Variants in HS1BP3 observed in about 807,000 individuals in gnomAD.
HS1BP3 encodes HCLS1-binding protein 3.
HS1BP3 carries 32 observed loss-of-function variants against 33.5 expected under a neutral mutation model. That is an observed-to-expected ratio of 0.95 (90% CI 0.72 to 1.28). The LOEUF is 1.28. Ranked by LOEUF, HS1BP3 falls within the 50% of genes most tolerant of loss-of-function variation. The pLI, the probability that HS1BP3 is intolerant of heterozygous loss-of-function variation, is 0.00. For missense variants in HS1BP3, 486 were observed against 502.3 expected, an observed-to-expected ratio of 0.97 and a Z score of 0.31; for synonymous variants, 187 against 209.2, an observed-to-expected ratio of 0.89 and a Z score of 0.92.
chr2:20,618,797 C>T lies in HS1BP3; in HGVS notation c.*190G>A, dbSNP rs974063003. On this transcript the variant is annotated 3_prime_UTR_variant, in exon 7 of 7. Coordinates refer to ENST00000304031, the MANE Select transcript of HS1BP3 (RefSeq NM_022460.4). ...TAGGGTGAGAGCCGCTCCCGCAGCC[C>T]GCAGGCTTCTACTTTGGCCCCACAG... 2.1e-6 allele frequency: 3 copies of T among 1,406,828 alleles called. No homozygotes were observed. Among genetic ancestry groups the T allele is most frequent in the East Asian group, 2.6e-5 (1 of 38,186 alleles). 87.1% of individuals were successfully genotyped at this position (1,406,828 alleles called of 1,614,324 possible). A position where few individuals can be genotyped will look rare whatever the true frequency, so the allele number is the denominator to read the frequency against.
At chr2:20,594,195 G>A (rs1693893828) in intron 3 of HS1BP3, among the ~76,000 whole-genome samples, 1 of 152,264 alleles carries the variant, frequency 6.6e-6, no homozygotes, top group Non-Finnish European at 1.5e-5. Context: ...ACAGGAAGAA[G>A]TGCAGTGATC....
chr2:20,641,020 G>C lies in HS1BP3; in HGVS notation c.359C>G (p.Ser120Cys), dbSNP rs776615400. 1 of 1,614,188 alleles carries C rather than the reference G, an allele frequency of 6.2e-7. No individual in the cohort carries two copies. The highest frequency in any genetic ancestry group is 8.5e-7 in the Non-Finnish European group (1 of 1,180,032). Residue 120 changes from serine to cysteine, a missense_variant, in exon 3 of 7, where the codon TCC becomes TGC. Coordinates refer to ENST00000304031, the MANE Select transcript of HS1BP3 (RefSeq NM_022460.4). ...AVFNEILRCVSKDAELAGSPE... is the reference protein window; with the variant it reads ...AVFNEILRCVCKDAELAGSPE... ...GCTGCCTGCCAACTCGGCATCCTTG[G>C]AGACACAGCGCAGGATCTCATTGAA...
chr2:20,593,739 T>C (rs556111207), intron 3 of HS1BP3, among the ~76,000 whole-genome samples: 1 of 152,268 alleles, frequency 6.6e-6, no homozygotes, highest in Non-Finnish European at 1.5e-5. Context: ...GCCGAGTGTG[T>C]GCAGGGAACT....
intron 4 of HS1BP3, among the ~76,000 whole-genome samples, chr2:20,633,996 C>T (rs1247814573): frequency 6.6e-6 from 1 of 152,258 alleles, no homozygotes; most frequent in Non-Finnish European, 1.5e-5. Flanking sequence ...AAGTGCTGCA[C>T]AGGTGCAGGG....
At chr2:20,566,066 C>T (rs1267461936) in intron 5 of HS1BP3, among the ~76,000 whole-genome samples, 2 of 152,210 alleles carry the variant, frequency 1.3e-5, no homozygotes, top group South Asian at 2.1e-4. Context: ...AACAGCCCAC[C>T]CTGCCCCTCT....
At chr2:20,574,357 T>C (rs1693349102) in intron 5 of HS1BP3, among the ~76,000 whole-genome samples, 1 of 152,244 alleles carries the variant, frequency 6.6e-6, no homozygotes, top group African/African-American at 2.4e-5. Flanking sequence ...TCAGCAATTT[T>C]TCTTTTTCTG....
chr2:20,589,662 C>T (rs1473074212), downstream of HS1BP3, among the ~76,000 whole-genome samples: 2 of 152,174 alleles, frequency 1.3e-5, no homozygotes, highest in African/African-American at 4.8e-5. Flanking sequence ...ATAAGCACCC[C>T]CAACCCTGAG....
In HS1BP3 at chr2:20,580,027, A is replaced by T. The variant is rs369315289; in HGVS notation, c.303-19512T>A. Reference sequence around the variant, plus strand: ...TATCCTAATCTACATACCCTTATCTAGGGCAGAAACTCCCTGAACTCATAC... The same window carrying T: ...TATCCTAATCTACATACCCTTATCTTGGGCAGAAACTCCCTGAACTCATAC... On this transcript the variant is annotated intron_variant, in intron 5 of 5. Transcript: ENST00000446825. 4.7e-4 allele frequency among the ~76,000 whole-genome samples: 71 copies of T among 152,356 alleles called. No individual in the cohort carries two copies. The South Asian group carries it at 0.014, about 31-fold the overall frequency.
At chr2:20,584,647 G>T (rs556460897) in intron 5 of HS1BP3, among the ~76,000 whole-genome samples, 1 of 151,324 alleles carries the variant, frequency 6.6e-6, no homozygotes, top group Non-Finnish European at 1.5e-5. Context: ...GGTTTGGTCC[G>T]CTAACTGCTC....
intron 5 of HS1BP3, among the ~76,000 whole-genome samples, chr2:20,572,233 C>G (rs1558318216): frequency 6.6e-6 from 1 of 152,232 alleles, no homozygotes; most frequent in South Asian, 2.1e-4. Context: ...TGCTCAGGCT[C>G]TTTCCAGGCT....
intron 1 of HS1BP3, among the ~76,000 whole-genome samples, chr2:20,646,062 G>A (rs534061337): frequency 1.3e-5 from 2 of 152,220 alleles, no homozygotes; most frequent in East Asian, 1.9e-4. Flanking sequence ...GCTGCCCCTC[G>A]AGGTGTAGAG....
chr2:20,607,216 T>C (rs899847004), intron 2 of HS1BP3, among the ~76,000 whole-genome samples: 1 of 151,596 alleles, frequency 6.6e-6, no homozygotes, highest in African/African-American at 2.4e-5. Context: ...AGTGCAGTGG[T>C]GTGGTCTCAG....
downstream of HS1BP3, among the ~76,000 whole-genome samples, chr2:20,559,688 G>T (rs1271413909): frequency 2.2e-5 from 3 of 138,606 alleles, no homozygotes; most frequent in African/African-American, 7.9e-5. Flanking sequence ...GAATGGATGG[G>T]TAGATGGACG....
At chr2:20,570,247 A>T (rs1292181784) in intron 5 of HS1BP3, among the ~76,000 whole-genome samples, 2 of 152,186 alleles carry the variant, frequency 1.3e-5, no homozygotes, top group Non-Finnish European at 2.9e-5. Context: ...GTTTTAAAGC[A>T]CTATCTCCTG....
At chr2:20,563,482 C>T (rs886120682) in intron 5 of HS1BP3, among the ~76,000 whole-genome samples, 1 of 152,244 alleles carries the variant, frequency 6.6e-6, no homozygotes, top group South Asian at 2.1e-4. Context: ...ACTACTGGTC[C>T]GCAGACTCAA....
At chr2:20,649,924 CT>C in intron 1 of HS1BP3, among the ~76,000 whole-genome samples, 2 of 152,346 alleles carry the variant, frequency 1.3e-5, no homozygotes, top group South Asian at 4.1e-4. Context: ...CCCCATCCAT[CT>C]GCACATGGCT....
intron 5 of HS1BP3, among the ~76,000 whole-genome samples, chr2:20,568,837 C>T (rs1194557114): frequency 6.6e-6 from 1 of 152,194 alleles, no homozygotes. Flanking sequence ...CCTCTCCCAG[C>T]TCTGAGCCCC....
At chr2:20,605,275 C>A (rs186531276) in intron 2 of HS1BP3, among the ~76,000 whole-genome samples, 1 of 152,186 alleles carries the variant, frequency 6.6e-6, no homozygotes, top group Non-Finnish European at 1.5e-5. Flanking sequence ...TTGCACCCCC[C>A]ACTTGCTTCA....
At chr2:20,595,029 C>T (rs1693911844) in intron 3 of HS1BP3, among the ~76,000 whole-genome samples, 2 of 152,148 alleles carry the variant, frequency 1.3e-5, no homozygotes, top group African/African-American at 4.8e-5. Flanking sequence ...CATAGCATCT[C>T]GGGATAGACA....
Sources: gnomAD v4.1 joint callset for allele counts (sites outside exome capture counted in the v4.1 genomes callset) on GRCh38, gnomAD v4.1.1 for gene constraint, MANE v1.5 for transcripts, NCBI Gene and HGNC (gene_info 2026-07-23, HGNC 2026-07-21) for gene names.